Variants in NOL8 observed in about 807,000 individuals in gnomAD.
NOL8 encodes the protein nucleolar protein 8, also known as nucleolar protein Nop132.
In NOL8, 93 loss-of-function variants were observed where a neutral mutation model predicts 116.1. The ratio of observed to expected loss-of-function variants is 0.80; its 90% CI spans 0.68 to 0.95. The LOEUF is 0.95. NOL8 is among the 40% of genes least tolerant of loss of function. The pLI is 0.00. For missense variants in NOL8, 1,291 were observed against 1,382.8 expected (o/e 0.93, Z 1.05); for synonymous variants, 419 against 469.0 (o/e 0.89, Z 1.38).
At chr9:92,311,327 A>G in intron 7 of NOL8, 68 bp from the exon 8 acceptor site, 1 of 1,143,848 alleles carries the variant, frequency 8.7e-7, no homozygotes, top group Non-Finnish European at 1.3e-6. Context: ...AGCAATTGCA[A>G]CAAAATCCAA....
intron 7 of NOL8, 96 bp from the exon 8 acceptor site, chr9:92,311,355 T>C (rs1564220422): frequency 5.3e-6 from 4 of 757,750 alleles, no homozygotes; most frequent in Non-Finnish European, 8.7e-6. Flanking sequence ...AAGTGGGATC[T>C]AATTAAACTA....
At chr9:92,298,709 T>C (rs1837460679) in intron 15 of NOL8, 175 bp downstream of exon 15, 1 of 483,552 alleles carries the variant, frequency 2.1e-6, no homozygotes, top group Admixed American at 3.9e-5. Context: ...GCAAAGAAAG[T>C]GGTGAGTGGG....
At chr9:92,317,930 G>A (rs1839565460) in intron 6 of NOL8, among the ~76,000 whole-genome samples, 1 of 150,336 alleles carries the variant, frequency 6.7e-6, no homozygotes, top group South Asian at 2.1e-4. Context: ...AGCTACTTGG[G>A]AGGCTGAGGC....
intron 2 of NOL8, 84 bp from the exon 3 acceptor site, chr9:92,323,587 TA>T (rs879022435): frequency 0.047 from 40,742 of 875,358 alleles, 185 homozygotes; most frequent in African/African-American, 0.097. Flanking sequence ...GTTTCTAAAT[TA>T]AAAAAAAAAA....
chr9:92,300,013 G>C lies in NOL8; in HGVS notation c.3179C>G (p.Thr1060Ser). ...AGGTTTCACTGTTTCAACTCTGTAGGTCTCTATATCGTTATGACAACAAAA... is the reference window on the plus strand; with the variant it reads ...AGGTTTCACTGTTTCAACTCTGTAGCTCTCTATATCGTTATGACAACAAAA... ...DSDTKDIKEETYRVETVKPGK... is the reference protein window; with the variant it reads ...DSDTKDIKEESYRVETVKPGK... The change falls in exon 14 of 17, where the codon ACC (threonine) becomes AGC (serine). Residue 1060 changes from threonine to serine, a missense_variant. By Grantham distance (58) the Thr-to-Ser change is moderately conservative. Coordinates refer to ENST00000442668, the MANE Select transcript of NOL8 (RefSeq NM_017948.6). 1 of 1,612,832 alleles carries C rather than the reference G, an allele frequency of 6.2e-7. No homozygotes were observed. Among genetic ancestry groups the C allele is most frequent in the Non-Finnish European group, 8.5e-7 (1 of 1,179,256 alleles).
intron 12 of NOL8, among the ~76,000 whole-genome samples, chr9:92,303,027 A>C (rs1837884226): frequency 6.6e-6 from 1 of 152,250 alleles, no homozygotes; most frequent in African/African-American, 2.4e-5. Flanking sequence ...TAGCTGGGTG[A>C]TCTAGCTAAG....
chr9:92,313,551 C>A (rs1486220535), intron 7 of NOL8, among the ~76,000 whole-genome samples: 1 of 152,190 alleles, frequency 6.6e-6, no homozygotes, highest in Admixed American at 6.5e-5. Context: ...ACTCTCTTTT[C>A]ATTTTATGAA....
In NOL8 at chr9:92,323,566, T is replaced by C. The variant is rs139670048; in HGVS notation, c.140-63A>G. 3.7e-4 allele frequency: 489 copies of C among 1,336,728 alleles called. 9 individuals are homozygous for C. In the East Asian group the frequency reaches 0.012, roughly 33 times the overall value. 82.8% of individuals were successfully genotyped at this position (1,336,728 alleles called of 1,614,324 possible). A position where few individuals can be genotyped will look rare whatever the true frequency, so the allele number is the denominator to read the frequency against. On this transcript the variant is annotated intron_variant, in intron 2 of 16. Coordinates refer to ENST00000442668, the MANE Select transcript of NOL8 (RefSeq NM_017948.6). ...TTAAATTCTTATCCAGAGAGCAATG[T>C]AAAAACGGTTGTTTCTAAATTAAAA...
In NOL8 at chr9:92,298,970, C is replaced by A; in HGVS notation, c.3303-16G>T. Reference sequence around the variant, plus strand: ...TGATGCTTCTCTGAAAAGAAAGGGACAAAGGAGAGAGAAAAATAGGTATTG... The same window carrying A: ...TGATGCTTCTCTGAAAAGAAAGGGAAAAAGGAGAGAGAAAAATAGGTATTG... On this transcript the variant is annotated splice_polypyrimidine_tract_variant and intron_variant, in intron 14 of 16. Coordinates refer to ENST00000442668, the MANE Select transcript of NOL8 (RefSeq NM_017948.6). The A allele has an allele frequency of 1.4e-6, 2 of 1,451,622 alleles. No individual in the cohort carries two copies. The highest frequency in any genetic ancestry group is 9.3e-7 in the Non-Finnish European group (1 of 1,080,026). 89.9% of individuals were successfully genotyped at this position (1,451,622 alleles called of 1,614,324 possible). A position where few individuals can be genotyped will look rare whatever the true frequency, so the allele number is the denominator to read the frequency against.
At chr9:92,312,052 C>T (rs1353477103) in intron 7 of NOL8, among the ~76,000 whole-genome samples, 1 of 152,266 alleles carries the variant, frequency 6.6e-6, no homozygotes, top group East Asian at 1.9e-4. Context: ...CCCTTACAGC[C>T]ACATTGATGG....
At chr9:92,301,991 T>C (rs1014470681) in intron 12 of NOL8, among the ~76,000 whole-genome samples, 169 bp from the exon 13 acceptor site, 3 of 152,208 alleles carry the variant, frequency 2.0e-5, no homozygotes, top group Non-Finnish European at 4.4e-5. Context: ...ACTCTACATA[T>C]AGAACTCTAC....
chr9:92,304,537 G>C (rs1405292658), intron 12 of NOL8, among the ~76,000 whole-genome samples: 1 of 152,168 alleles, frequency 6.6e-6, no homozygotes, highest in African/African-American at 2.4e-5. Context: ...GGGGTATAGG[G>C]AGGGGGTAAA....
At chr9:92,300,793 G>A in intron 13 of NOL8, 1 of 1,131,600 alleles carries the variant, frequency 8.8e-7, no homozygotes, top group Non-Finnish European at 1.1e-6. Flanking sequence ...ACTCCAGCCT[G>A]GGTGACAGAG....
chr9:92,311,893 T>C (rs139102416), intron 7 of NOL8, among the ~76,000 whole-genome samples: 3,085 of 152,286 alleles, frequency 0.02, 111 homozygotes, highest in African/African-American at 0.07. Flanking sequence ...TAAAGACACA[T>C]GCACACATAT....
chr9:92,301,409 T>C (rs1837731781), intron 13 of NOL8, 142 bp downstream of exon 13: 4 of 665,460 alleles, frequency 6.0e-6, no homozygotes, highest in Non-Finnish European at 9.6e-6. Flanking sequence ...TTTATGCTCC[T>C]GTGACACTAA....
rs757782481 is a variant in NOL8 at position 92,315,455 on chromosome 9, A to AT, written c.1169dup (p.Asn390LysfsTer4). On this transcript the variant is annotated frameshift_variant, in exon 7 of 17. Coordinates refer to ENST00000442668, the MANE Select transcript of NOL8 (RefSeq NM_017948.6). LOFTEE classifies it high-confidence loss of function. Reference sequence around the variant, plus strand: ...CTGTACTGTTTTTGACCTTAGCAACATTTTTTTTCATCGCAATAATTTCAT... The same window carrying AT: ...CTGTACTGTTTTTGACCTTAGCAACATTTTTTTTTCATCGCAATAATTTCAT... 7.5e-6 allele frequency: 12 copies of AT among 1,596,894 alleles called. No homozygotes were observed. Among genetic ancestry groups the AT allele is most frequent in the Admixed American group, 3.5e-5 (2 of 56,926 alleles).
In NOL8 at chr9:92,311,261, T is replaced by C; in HGVS notation, c.2359-2A>G. 1 of 1,608,128 alleles carries C rather than the reference T, an allele frequency of 6.2e-7. No individual in the cohort carries two copies. Among genetic ancestry groups the C allele is most frequent in the Non-Finnish European group, 8.5e-7 (1 of 1,175,756 alleles). ...TGGCTTATCCTCTGGATGACCATCC[T>C]AGGGAGGCCATCGAAAGCATTGCAT... On this transcript the variant is annotated splice_acceptor_variant, in intron 7 of 16. Transcript: ENST00000442668. LOFTEE classifies it high-confidence loss of function.
intron 12 of NOL8, among the ~76,000 whole-genome samples, chr9:92,302,992 G>C (rs1440475374): frequency 1.3e-5 from 2 of 152,214 alleles, no homozygotes; most frequent in African/African-American, 4.8e-5. Context: ...TGTGTGTACT[G>C]TGGAAAATGG....
At position 92,306,946 on chromosome 9, in the gene NOL8, A is replaced by G. The variant is rs776806242; in HGVS notation, c.2765T>C (p.Val922Ala). ...AGAATTGCTTAAGTTGATTTGCAAAACACTTTGTACAACATTCAGGGCTTT... is the reference window on the plus strand; with the variant it reads ...AGAATTGCTTAAGTTGATTTGCAAAGCACTTTGTACAACATTCAGGGCTTT... ...KKKALNVVQS[V>A]LQINLSNSTN... The change falls in exon 11 of 17, where the codon GTT (valine) becomes GCT (alanine). Residue 922 changes from valine to alanine, a missense_variant. By Grantham distance (64) the Val-to-Ala change is moderately conservative. Transcript: ENST00000442668. The G allele has an allele frequency of 2.5e-6, 4 of 1,613,358 alleles. No homozygotes were observed. The Admixed American group carries it at 6.7e-5, about 27-fold the overall frequency.
Sources: gnomAD v4.1 joint callset for allele counts (sites outside exome capture counted in the v4.1 genomes callset) on GRCh38, gnomAD v4.1.1 for gene constraint, MANE v1.5 for transcripts, NCBI Gene and HGNC (gene_info 2026-07-23, HGNC 2026-07-21) for gene names.